Variants in SHANK2 observed in about 807,000 individuals in gnomAD.
The protein encoded by SHANK2 is SH3 and multiple ankyrin repeat domains 2.
SHANK2 carries 43 observed loss-of-function variants against 133.7 expected under a neutral mutation model. That is an observed-to-expected ratio of 0.32 (90% CI 0.25 to 0.41). The LOEUF (loss-of-function observed/expected upper bound fraction) is 0.41. SHANK2 is among the 10% of genes least tolerant of loss of function. The probability of loss-of-function intolerance (pLI) is 1.00; values close to 1 mark genes in which losing one functional copy is unlikely to be tolerated. For synonymous variants in SHANK2, 1,017 were observed against 952.8 expected, an observed-to-expected ratio of 1.07 and a Z score of -1.24; for missense variants, 1,994 against 2,235.8, an observed-to-expected ratio of 0.89 and a Z score of 2.18.
chr11:71,199,417 T>A (rs1208799649), intron 2 of SHANK2, among the ~76,000 whole-genome samples: 1 of 152,228 alleles, frequency 6.6e-6, no homozygotes, highest in African/African-American at 2.4e-5. Flanking sequence ...GAATGAAATG[T>A]GACCTGCCGT....
chr11:70,872,965 C>A (rs1949494316), intron 11 of SHANK2: 1 of 470,180 alleles, frequency 2.1e-6, no homozygotes, highest in South Asian at 1.5e-5. Context: ...CCTCCACCTC[C>A]CCCAGCCCCA....
chr11:70,737,127 G>T (rs1815854), intron 14 of SHANK2, among the ~76,000 whole-genome samples: 3 of 151,948 alleles, frequency 2.0e-5, no homozygotes, highest in Non-Finnish European at 4.4e-5. Context: ...TCCTGGGACT[G>T]CCAGCCCTGC....
chr11:70,853,904 C>T (rs1949129286), intron 11 of SHANK2, among the ~76,000 whole-genome samples: 1 of 152,174 alleles, frequency 6.6e-6, no homozygotes, highest in Non-Finnish European at 1.5e-5. Flanking sequence ...CTGAATCCCC[C>T]CTCCTTCTTC....
chr11:71,198,394 GT>G (rs1565509222), intron 2 of SHANK2, among the ~76,000 whole-genome samples: 1 of 152,144 alleles, frequency 6.6e-6, no homozygotes, highest in East Asian at 1.9e-4. Context: ...AAACAATCTC[GT>G]TCTCCCAGCC....
intron 15 of SHANK2, among the ~76,000 whole-genome samples, chr11:70,693,283 C>T (rs541186599): frequency 2.0e-5 from 3 of 152,310 alleles, no homozygotes; most frequent in South Asian, 2.1e-4. Flanking sequence ...ACTGCAAGTG[C>T]GAGAAGACCC....
chr11:70,859,524 G>A (rs1284401055), intron 11 of SHANK2, among the ~76,000 whole-genome samples: 8 of 152,142 alleles, frequency 5.3e-5, no homozygotes, highest in African/African-American at 1.9e-4. Flanking sequence ...GGATGGGTGA[G>A]TGGATGGATG....
intron 11 of SHANK2, among the ~76,000 whole-genome samples, chr11:70,885,203 G>GCGCGGGGAACCA (rs1330908815): frequency 7.9e-5 from 12 of 152,164 alleles, no homozygotes; most frequent in Non-Finnish European, 1.3e-4. Context: ...GAGGGGAACC[G>GCGCGGGGAACCA]CGCAGGGACC....
chr11:70,851,876 C>T (rs115371149), intron 11 of SHANK2, among the ~76,000 whole-genome samples: 34 of 152,290 alleles, frequency 2.2e-4, no homozygotes, highest in African/African-American at 8.2e-4. Context: ...AAAGTCAGAG[C>T]CTCCCGGCCC....
At chr11:71,141,913 A>G (rs1377662598) in intron 3 of SHANK2, among the ~76,000 whole-genome samples, 4 of 152,322 alleles carry the variant, frequency 2.6e-5, no homozygotes, top group African/African-American at 7.2e-5. Context: ...GACCCCGCAC[A>G]GACACAAAAT....
At chr11:71,245,413 A>G (rs1954947821) in intron 1 of SHANK2, among the ~76,000 whole-genome samples, 1 of 152,244 alleles carries the variant, frequency 6.6e-6, no homozygotes, top group African/African-American at 2.4e-5. Context: ...AATAGCGTAA[A>G]TAACAATAGA....
chr11:70,486,312 G>A lies in SHANK2; in HGVS notation c.3981C>T (p.Ala1327=). The change falls in exon 25 of 26, where the codon GCC becomes GCT. Residue 1327 remains alanine (A), a synonymous_variant. Transcript: ENST00000601538. This position sits in a 1 kb window ranked among gnomAD's most constrained non-coding sequence, Gnocchi z 8.0. ...CTGCCTTCTCGTCCTCTTCCTGCAG[G>A]GCGTTGTCCAGCTTAGTGGCGTCCA... ...HTVDATKLDN[A]LQEEDEKAEV... 1 of 1,613,936 alleles carries A rather than the reference G, an allele frequency of 6.2e-7. No homozygotes were observed.
chr11:71,162,529 T>C (rs1229959639), intron 2 of SHANK2, among the ~76,000 whole-genome samples: 3 of 152,340 alleles, frequency 2.0e-5, no homozygotes, highest in South Asian at 2.1e-4. Flanking sequence ...TAAATGATTG[T>C]ATAGTAATAT....
intron 17 of SHANK2, among the ~76,000 whole-genome samples, chr11:70,533,053 C>T (rs1157182776): frequency 2.0e-5 from 3 of 152,164 alleles, no homozygotes; most frequent in African/African-American, 7.2e-5. Flanking sequence ...GCCAAATTCA[C>T]AGCGGCGGAA....
intron 2 of SHANK2, among the ~76,000 whole-genome samples, chr11:71,192,156 C>T (rs967992393): frequency 1.3e-5 from 2 of 152,206 alleles, no homozygotes; most frequent in Admixed American, 6.6e-5. Flanking sequence ...CCACCACACC[C>T]GGCCTTCATC....
chr11:71,238,764 G>C (rs1565532043), intron 1 of SHANK2, among the ~76,000 whole-genome samples: 1 of 152,236 alleles, frequency 6.6e-6, no homozygotes, highest in South Asian at 2.1e-4. Context: ...GAGTCAATCA[G>C]CAGAAGCGTT....
chr11:70,485,507 C>T lies in SHANK2; in HGVS notation c.4786G>A (p.Val1596Ile), dbSNP rs782593128. Residue 1596 changes from valine to isoleucine, a missense_variant, in exon 25 of 26, where the codon GTT becomes ATT. Transcript: ENST00000601538. The surrounding 1 kb of genome is among the most constrained non-coding windows in gnomAD (Gnocchi z 5.8). ...PGSAQPGMAK[V>I]LQPRTSKLWG... ...AACTTGGAGGTCCTTGGCTGGAGAA[C>T]CTTGGCCATCCCAGGCTGGGCACTG... 6.2e-7 allele frequency: 1 copy of T among 1,613,600 alleles called. No individual in the cohort carries two copies. The highest frequency in any genetic ancestry group is 1.7e-5 in the Admixed American group (1 of 60,030).
intron 10 of SHANK2, among the ~76,000 whole-genome samples, chr11:70,945,153 T>A (rs1183603880): frequency 1.3e-5 from 2 of 152,040 alleles, no homozygotes; most frequent in African/African-American, 4.8e-5. Flanking sequence ...GGATGGAAAT[T>A]GTGTATGGGC....
intron 14 of SHANK2, among the ~76,000 whole-genome samples, chr11:70,791,272 C>T (rs1947780994): frequency 6.6e-6 from 1 of 152,218 alleles, no homozygotes; most frequent in African/African-American, 2.4e-5. Context: ...TGGATAGGCA[C>T]CATGCAGGGC....
rs1948488729 is a variant in SHANK2 at position 70,820,313 on chromosome 11, G to A, written c.1493+51C>T. 8.4e-6 allele frequency: 5 copies of A among 592,406 alleles called. No individual in the cohort carries two copies. In the Admixed American group the frequency reaches 1.2e-4, roughly 14 times the overall value. 36.7% of individuals were successfully genotyped at this position (592,406 alleles called of 1,614,324 possible). ...GGCCACCCCAAGTTGGAGGAGCTGG[G>A]ACCCCCAGCACGTGGCGGTCTTCCT... is the stretch of plus-strand genomic sequence containing the variant. On this transcript the variant is annotated intron_variant, in intron 12 of 25. Transcript: ENST00000601538.
Sources: gnomAD v4.1 joint callset for allele counts (sites outside exome capture counted in the v4.1 genomes callset) on GRCh38, gnomAD v4.1.1 for gene constraint, Gnocchi (gnomAD v3.1) non-coding constraint, MANE v1.5 for transcripts, NCBI Gene and HGNC (gene_info 2026-07-23, HGNC 2026-07-21) for gene names.